The following RASGRF2 variants were observed in gnomAD, a reference collection of about 807,000 sequenced individuals.
The protein encoded by RASGRF2 is ras-specific guanine nucleotide-releasing factor 2.
Under a neutral mutation model 151.0 loss-of-function variants are expected in RASGRF2, and 76 were observed. The ratio of observed to expected loss-of-function variants is 0.50; its 90% CI spans 0.42 to 0.61. The LOEUF is 0.61. RASGRF2 is among the 20% of genes least tolerant of loss of function. The pLI, the probability that RASGRF2 is intolerant of heterozygous loss-of-function variation, is 0.00. For missense variants in RASGRF2, 1,148 were observed against 1,564.6 expected (o/e 0.73, Z 4.49); for synonymous variants, 504 against 566.5 (o/e 0.89, Z 1.57).
Position 81,015,426 on chromosome 5 carries a change from A to G in RASGRF2, c.289-27451A>G, listed in dbSNP as rs561577298. The stretch of plus-strand genomic sequence containing the variant: ...AACCAATAATAAATAAATAAATAAT[A>G]AACAAAGGAATCAGCTCAAAGAGCT... On this transcript the variant is annotated intron_variant, in intron 1 of 26. Coordinates refer to ENST00000265080, the MANE Select transcript of RASGRF2 (RefSeq NM_006909.3). Among the ~76,000 whole-genome samples, 6 of 152,256 alleles carry G rather than the reference A, an allele frequency of 3.9e-5. No individual in the cohort carries two copies. In the South Asian group the frequency reaches 1.2e-3, roughly 32 times the overall value.
In RASGRF2 at chr5:81,067,532, A is replaced by G. The variant is rs898245987; in HGVS notation, c.396-500A>G. ...TGCAGTCTTAAAGAGAGCCCAACAGAGTTGGTAGTCACTAATACAGACATA... is the reference window on the plus strand; with the variant it reads ...TGCAGTCTTAAAGAGAGCCCAACAGGGTTGGTAGTCACTAATACAGACATA... On this transcript the variant is annotated intron_variant, in intron 2 of 26. Transcript: ENST00000265080. Among the ~76,000 whole-genome samples, 8 of 152,214 alleles carry G rather than the reference A, an allele frequency of 5.3e-5. 1 individual carries two copies. The highest frequency in any genetic ancestry group is 1.3e-4 in the Admixed American group (2 of 15,274).
At chr5:81,133,380 G>A (rs1753673128) in intron 17 of RASGRF2, among the ~76,000 whole-genome samples, 1 of 152,196 alleles carries the variant, frequency 6.6e-6, no homozygotes, top group Non-Finnish European at 1.5e-5. Flanking sequence ...TGTATTTGCA[G>A]GCACCTGCTC....
intron 1 of RASGRF2, among the ~76,000 whole-genome samples, chr5:80,982,477 G>A (rs763378123): frequency 6.6e-6 from 1 of 151,936 alleles, no homozygotes; most frequent in Non-Finnish European, 1.5e-5. Context: ...TTTGGCTTAA[G>A]TTGAAAGTGT....
intron 13 of RASGRF2, 111 bp from the exon 14 acceptor site, chr5:81,112,499 T>A: frequency 7.2e-7 from 1 of 1,386,304 alleles, no homozygotes; most frequent in Non-Finnish European, 1.0e-6. Flanking sequence ...TCCTATCAAA[T>A]GCAGTGAGAA....
intron 13 of RASGRF2, among the ~76,000 whole-genome samples, chr5:81,111,435 G>GGTGGC (rs1490176959): frequency 6.6e-6 from 1 of 152,136 alleles, no homozygotes; most frequent in African/African-American, 2.4e-5. Flanking sequence ...TGGATTGCAG[G>GGTGGC]ATGGCAGTGG....
intron 17 of RASGRF2, among the ~76,000 whole-genome samples, chr5:81,162,999 A>G (rs1231062503): frequency 6.6e-6 from 1 of 152,114 alleles, no homozygotes; most frequent in Non-Finnish European, 1.5e-5. Context: ...GGTGGGGGGC[A>G]CTGGGAAAGC....
At chr5:81,188,009 C>T (rs1483953968) in intron 18 of RASGRF2, among the ~76,000 whole-genome samples, 2 of 152,140 alleles carry the variant, frequency 1.3e-5, no homozygotes, top group Non-Finnish European at 2.9e-5. Context: ...TCGGTGTGGG[C>T]AGGAGAATGA....
At chr5:81,074,496 C>A (rs373377008) in intron 5 of RASGRF2, among the ~76,000 whole-genome samples, 1 of 152,256 alleles carries the variant, frequency 6.6e-6, no homozygotes, top group South Asian at 2.1e-4. Flanking sequence ...ACTTTCTATA[C>A]GTAATATCTG....
chr5:81,212,189 A>G (rs1033268742), intron 22 of RASGRF2, among the ~76,000 whole-genome samples, 177 bp from the exon 23 acceptor site: 1 of 152,222 alleles, frequency 6.6e-6, no homozygotes, highest in African/African-American at 2.4e-5. Context: ...GATGCTCATT[A>G]GTTTATTCTT....
At position 81,123,694 on chromosome 5, in the gene RASGRF2, A is replaced by G. The variant is rs1307084390; in HGVS notation, c.2523A>G (p.Ala841=). 1.2e-6 allele frequency: 2 copies of G among 1,613,996 alleles called. No homozygotes were observed. The highest frequency in any genetic ancestry group is 1.7e-4 in the Middle Eastern group (1 of 6,024). The change falls in exon 16 of 27, where the codon GCA becomes GCG. Residue 841 remains alanine (A), a synonymous_variant. Transcript: ENST00000265080. ...ADRAGVESSP[A]ADTTELSPCR... ...GAGCAGGAGTGGAAAGCTCCCCTGCAGCGGACACCACAGAACTTTCACCTT... is the reference window on the plus strand; with the variant it reads ...GAGCAGGAGTGGAAAGCTCCCCTGCGGCGGACACCACAGAACTTTCACCTT...
intron 18 of RASGRF2, among the ~76,000 whole-genome samples, chr5:81,195,574 CTTT>C (rs11346643): frequency 6.4e-5 from 9 of 141,086 alleles, no homozygotes; most frequent in Non-Finnish European, 7.7e-5. Context: ...TTTTTGTGAC[CTTT>C]TTTTTTTTTT....
Position 81,225,664 on chromosome 5 carries a change from C to T in RASGRF2, c.3622-14C>T. On this transcript the variant is annotated splice_polypyrimidine_tract_variant and intron_variant, in intron 26 of 26. Coordinates refer to ENST00000265080, the MANE Select transcript of RASGRF2 (RefSeq NM_006909.3). ...TGAAAGAGGTAAAAGCTGGGACTTC[C>T]CCTTTTTTTTCAGGTCGCACAGTAC... 6.2e-7 allele frequency: 1 copy of T among 1,610,738 alleles called. No homozygotes were observed. Among genetic ancestry groups the T allele is most frequent in the Middle Eastern group, 1.7e-4 (1 of 6,056 alleles).
rs545910428 is a variant in RASGRF2, at chr5:81,194,410, T to C, written c.2794-6920T>C. ...CTCTCACTGTCTTACTTACAATTACTTTAGGATTTTGTTTGTTTTTTGTTT... is the reference window on the plus strand; with the variant it reads ...CTCTCACTGTCTTACTTACAATTACCTTAGGATTTTGTTTGTTTTTTGTTT... On this transcript the variant is annotated intron_variant, in intron 18 of 26. Coordinates refer to ENST00000265080, the MANE Select transcript of RASGRF2 (RefSeq NM_006909.3). 2.6e-5 allele frequency among the ~76,000 whole-genome samples: 4 copies of C among 151,866 alleles called. No individual in the cohort carries two copies. In the South Asian group the frequency reaches 8.3e-4, roughly 32 times the overall value.
At chr5:80,974,052 A>T (rs1021011428) in intron 1 of RASGRF2, among the ~76,000 whole-genome samples, 2 of 152,168 alleles carry the variant, frequency 1.3e-5, no homozygotes, top group Admixed American at 1.3e-4. Flanking sequence ...TTGCAAGACT[A>T]ATGGGTCAGC....
chr5:81,127,233 T>C (rs1753481619), intron 17 of RASGRF2, 70 bp downstream of exon 17: 2 of 1,465,210 alleles, frequency 1.4e-6, no homozygotes, highest in African/African-American at 1.4e-5. Context: ...TGTCTGCCAG[T>C]GTCTTGATGA....
At chr5:80,976,207 G>C (rs928659722) in intron 1 of RASGRF2, among the ~76,000 whole-genome samples, 1 of 152,106 alleles carries the variant, frequency 6.6e-6, no homozygotes, top group African/African-American at 2.4e-5. Context: ...ACATTGTTTT[G>C]TGTTATACGA....
intron 1 of RASGRF2, among the ~76,000 whole-genome samples, chr5:81,012,179 C>T (rs1430258388): frequency 1.3e-5 from 2 of 152,108 alleles, no homozygotes; most frequent in African/African-American, 4.8e-5. Context: ...AGCATTTTAC[C>T]CCATTTGCCT....
At chr5:81,217,282 C>T in intron 24 of RASGRF2, 74 bp from the exon 25 acceptor site, 1 of 1,511,606 alleles carries the variant, frequency 6.6e-7, no homozygotes, top group Non-Finnish European at 8.8e-7. Context: ...CTTTAATCCT[C>T]CTTTGTTTAA....
intron 1 of RASGRF2, among the ~76,000 whole-genome samples, chr5:81,031,770 G>T (rs1446322276): frequency 6.6e-6 from 1 of 152,140 alleles, no homozygotes; most frequent in Non-Finnish European, 1.5e-5. Flanking sequence ...ACATTGAAAA[G>T]CCAGCAGAAG....
Sources: gnomAD v4.1 joint callset for allele counts (sites outside exome capture counted in the v4.1 genomes callset) on GRCh38, gnomAD v4.1.1 for gene constraint, MANE v1.5 for transcripts, NCBI Gene and HGNC (gene_info 2026-07-23, HGNC 2026-07-21) for gene names.